RFX3: variants seen among roughly 807,000 people sequenced by gnomAD.
RFX3 encodes the protein regulatory factor X3, also known as transcription factor RFX3.
In RFX3, 14 loss-of-function variants were observed where a neutral mutation model predicts 98.6. The ratio of observed to expected loss-of-function variants is 0.14; its 90% CI spans 0.09 to 0.22. The LOEUF (loss-of-function observed/expected upper bound fraction) is 0.22. Ranked by LOEUF, RFX3 falls within the 10% of genes least tolerant of loss-of-function variation. The probability of loss-of-function intolerance (pLI) is 1.00; values close to 1 mark genes in which losing one functional copy is unlikely to be tolerated. For synonymous variants in RFX3, 383 were observed against 328.4 expected (o/e 1.17, Z -1.80); for missense variants, 639 against 926.9 (o/e 0.69, Z 4.03).
chr9:3,421,101 G>A (rs1382211464), intron 1 of RFX3, among the ~76,000 whole-genome samples: 1 of 151,262 alleles, frequency 6.6e-6, no homozygotes, highest in Non-Finnish European at 1.5e-5. Flanking sequence ...TCCCCTGCAG[G>A]ATGGCCACAT....
At chr9:3,376,659 C>A (rs1838534115) in intron 2 of RFX3, among the ~76,000 whole-genome samples, 1 of 152,060 alleles carries the variant, frequency 6.6e-6, no homozygotes, top group Non-Finnish European at 1.5e-5. Context: ...AACACGCAAC[C>A]TACAGAATGG....
At chr9:3,510,716 A>C (rs1817588499) in intron 1 of RFX3, among the ~76,000 whole-genome samples, 3 of 152,146 alleles carry the variant, frequency 2.0e-5, no homozygotes, top group Admixed American at 6.6e-5. Context: ...GAAATCTATA[A>C]ATATTTCTGA....
intron 2 of RFX3, among the ~76,000 whole-genome samples, chr9:3,376,907 C>G (rs1459969968): frequency 6.6e-6 from 1 of 152,170 alleles, no homozygotes; most frequent in Admixed American, 6.5e-5. Context: ...CCATCTCACA[C>G]CAGTTAGAAT....
At chr9:3,270,308 C>A in intron 11 of RFX3, 63 bp downstream of exon 11, 2 of 1,507,758 alleles carry the variant, frequency 1.3e-6, no homozygotes, top group South Asian at 2.6e-5. Flanking sequence ...TGTCACTTCT[C>A]AAAACTTCCT....
intron 4 of RFX3, among the ~76,000 whole-genome samples, chr9:3,315,077 C>T (rs1281995646): frequency 6.6e-6 from 1 of 152,158 alleles, no homozygotes; most frequent in African/African-American, 2.4e-5. Flanking sequence ...ATACATTCTT[C>T]TCAGCATCAC....
chr9:3,456,445 T>C (rs576124443), intron 1 of RFX3, among the ~76,000 whole-genome samples: 3 of 152,156 alleles, frequency 2.0e-5, no homozygotes, highest in African/African-American at 7.2e-5. Context: ...CCTAATTCCC[T>C]CATCCAAACT....
At chr9:3,328,075 G>T (rs1292764905) in intron 4 of RFX3, among the ~76,000 whole-genome samples, 1 of 152,122 alleles carries the variant, frequency 6.6e-6, no homozygotes, top group Non-Finnish European at 1.5e-5. Context: ...GGAATACCTA[G>T]AAGAGGTGAG....
chr9:3,361,337 G>T (rs1338679806), intron 2 of RFX3, among the ~76,000 whole-genome samples: 1 of 152,004 alleles, frequency 6.6e-6, no homozygotes, highest in Non-Finnish European at 1.5e-5. Flanking sequence ...AAACCACAGG[G>T]AAATGAAGCA....
At chr9:3,491,064 T>C (rs891094367) in intron 1 of RFX3, among the ~76,000 whole-genome samples, 2 of 152,164 alleles carry the variant, frequency 1.3e-5, no homozygotes, top group African/African-American at 4.8e-5. Flanking sequence ...GATTTGGCTT[T>C]ACCTTTTTTC....
chr9:3,334,229 T>G (rs1194012857), intron 3 of RFX3, among the ~76,000 whole-genome samples: 2 of 152,244 alleles, frequency 1.3e-5, no homozygotes, highest in Non-Finnish European at 2.9e-5. Flanking sequence ...CTTACTTTAC[T>G]GTTTTCTAGC....
At position 3,320,798 on chromosome 9, in the gene RFX3, T is replaced by C. The variant is rs922498874; in HGVS notation, c.474+9461A>G. On this transcript the variant is annotated intron_variant, in intron 4 of 16. Coordinates refer to ENST00000617270, the MANE Select transcript of RFX3 (RefSeq NM_001282116.2). ...ATATATATATATATATATATATATA[T>C]ATATATATATATAGCCTCATTATCT... Among the ~76,000 whole-genome samples the C allele has an allele frequency of 2.1e-4, 27 of 130,232 alleles. 2 individuals are homozygous for C. Among genetic ancestry groups the C allele is most frequent in the Non-Finnish European group, 3.8e-4 (23 of 60,888 alleles). 85.4% of individuals were successfully genotyped at this position (130,232 alleles called of 152,430 possible).
At chr9:3,242,544 T>C (rs1425761314) in intron 15 of RFX3, among the ~76,000 whole-genome samples, 1 of 152,200 alleles carries the variant, frequency 6.6e-6, no homozygotes, top group Admixed American at 6.5e-5. Context: ...TGCTAAAATT[T>C]GTTTTTCTTT....
At chr9:3,448,967 C>G (rs1180985651) in intron 1 of RFX3, among the ~76,000 whole-genome samples, 1 of 152,114 alleles carries the variant, frequency 6.6e-6, no homozygotes, top group Admixed American at 6.6e-5. Flanking sequence ...TATGCTACAC[C>G]TTGTTGGTTT....
chr9:3,490,814 T>A (rs894945666), intron 1 of RFX3, among the ~76,000 whole-genome samples: 26 of 152,116 alleles, frequency 1.7e-4, no homozygotes, highest in African/African-American at 6.0e-4. Context: ...TTTAGTTTTA[T>A]AGAAATTTTT....
At chr9:3,320,208 T>C (rs1244801027) in intron 4 of RFX3, among the ~76,000 whole-genome samples, 1 of 152,168 alleles carries the variant, frequency 6.6e-6, no homozygotes, top group Non-Finnish European at 1.5e-5. Flanking sequence ...TAATAGATAA[T>C]ATATTCACAT....
chr9:3,376,594 G>C (rs143297096), intron 2 of RFX3, among the ~76,000 whole-genome samples: 1 of 152,144 alleles, frequency 6.6e-6, no homozygotes, highest in African/African-American at 2.4e-5. Context: ...TTGACAAATG[G>C]GATCTAACTG....
chr9:3,356,639 T>C (rs1252012978), intron 2 of RFX3, among the ~76,000 whole-genome samples: 1 of 151,836 alleles, frequency 6.6e-6, no homozygotes, highest in Admixed American at 6.6e-5. Flanking sequence ...GAGGCTAGCC[T>C]AAAAGTGAGA....
intron 15 of RFX3, among the ~76,000 whole-genome samples, chr9:3,244,655 A>C (rs1820400801): frequency 6.6e-6 from 1 of 152,146 alleles, no homozygotes; most frequent in Non-Finnish European, 1.5e-5. Context: ...CAGAGTTAAC[A>C]TCTTTTGTCC....
At chr9:3,442,573 T>A (rs1845697217) in intron 1 of RFX3, among the ~76,000 whole-genome samples, 1 of 152,090 alleles carries the variant, frequency 6.6e-6, no homozygotes, top group South Asian at 2.1e-4. Context: ...CCAAATAAAG[T>A]CTGAAGTATA....
Sources: allele counts gnomAD v4.1 joint callset (sites outside exome capture counted in the v4.1 genomes callset), GRCh38; gene constraint gnomAD v4.1.1; transcripts MANE v1.5; gene names NCBI Gene and HGNC (gene_info 2026-07-23, HGNC 2026-07-21).